Variants in ANKRD26 observed in about 807,000 individuals in gnomAD.
The protein encoded by ANKRD26 is ankyrin repeat domain-containing protein 26.
In ANKRD26, 141 loss-of-function variants were observed where a neutral mutation model predicts 208.7. The observed-to-expected ratio is 0.68, with a 90% CI of 0.59 to 0.78. The LOEUF (loss-of-function observed/expected upper bound fraction) is 0.78, where lower values mean the gene tolerates loss of function less well. Ranked by LOEUF, ANKRD26 falls within the 30% of genes least tolerant of loss-of-function variation. ANKRD26 has a pLI of 0.00. For missense variants in ANKRD26, 1,889 were observed against 1,938.7 expected (o/e 0.97, Z 0.48); for synonymous variants, 636 against 660.4 (o/e 0.96, Z 0.57).
At chr10:27,061,358 T>C in intron 12 of ANKRD26, 116 bp from the exon 13 acceptor site, 1 of 652,656 alleles carries the variant, frequency 1.5e-6, no homozygotes, top group Non-Finnish European at 2.6e-6. Context: ...TAGTGCAGTT[T>C]TTTAAAATCA....
Position 27,034,788 on chromosome 10 carries a change from ATACT to A in ANKRD26, c.3654+4_3654+7del, listed in dbSNP as rs777026529. On this transcript the variant is annotated splice_donor_5th_base_variant and intron_variant, in intron 24 of 33. Transcript: ENST00000376087. ...GTTTGAAAAATATTTATCTTTCTTG[ATACT>A]TACTTCTCTTTCTGCCTTTTCATTT... 1.1e-4 allele frequency: 180 copies of A among 1,576,574 alleles called. No individual in the cohort carries two copies. The highest frequency in any genetic ancestry group is 3.1e-4 in the East Asian group (14 of 44,638).
intron 5 of ANKRD26, among the ~76,000 whole-genome samples, chr10:26,992,469 T>TACACACACACACACACAC (rs61459601): frequency 7.3e-6 from 1 of 136,310 alleles, no homozygotes; most frequent in South Asian, 2.4e-4. Context: ...TACACACACG[T>TACACACACACACACACAC]ACACACACAC....
the ANKRD26 span, among the ~76,000 whole-genome samples, chr10:26,953,141 C>T: frequency 6.6e-6 from 1 of 152,004 alleles, no homozygotes; most frequent in Non-Finnish European, 1.5e-5. Flanking sequence ...AATATAATAC[C>T]AGGCCAGACA....
chr10:27,084,833 T>C (rs577071499), intron 5 of ANKRD26, among the ~76,000 whole-genome samples: 3 of 150,390 alleles, frequency 2.0e-5, no homozygotes, highest in South Asian at 2.1e-4. Flanking sequence ...CGCACCATTA[T>C]TGCACTCCAG....
intron 16 of ANKRD26, chr10:27,052,284 G>A (rs2054689805): frequency 1.7e-6 from 1 of 582,304 alleles, no homozygotes; most frequent in Non-Finnish European, 2.2e-6. Flanking sequence ...CCTAAAATAG[G>A]AGAAAAACAT....
chr10:26,963,903 GTTTTTTTTT>G, the ANKRD26 span, among the ~76,000 whole-genome samples: 6 of 71,848 alleles, frequency 8.4e-5, no homozygotes, highest in East Asian at 1.5e-3. Context: ...TGGTTGGTTG[GTTTTTTTTT>G]TTTTTTTTTT....
chr10:27,038,194 G>C lies in ANKRD26; in HGVS notation c.2376-140C>G, dbSNP rs943182361. On this transcript the variant is annotated intron_variant, in intron 21 of 33. Coordinates refer to ENST00000376087, the MANE Select transcript of ANKRD26 (RefSeq NM_014915.3). ...GAATATTTTTCCTTTCTAGTTCTCT[G>C]ATTTTTAATTTCTCACTTCAGTCTT... 4.1e-6 allele frequency: 3 copies of C among 731,328 alleles called. No individual in the cohort carries two copies. The Admixed American group carries it at 8.6e-5, about 21-fold the overall frequency. 45.3% of individuals were successfully genotyped at this position (731,328 alleles called of 1,614,324 possible). A position where few individuals can be genotyped will look rare whatever the true frequency, so the allele number is the denominator to read the frequency against.
At chr10:26,989,755 T>G (rs575406625), downstream of ANKRD26, among the ~76,000 whole-genome samples, 3 of 152,254 alleles carry the variant, frequency 2.0e-5, no homozygotes, top group Admixed American at 2.0e-4. Context: ...GGTAGGGTCT[T>G]GGAGGTTAGA....
At chr10:26,978,984 A>G (rs1474323278) in intron 5 of ANKRD26, among the ~76,000 whole-genome samples, 1 of 152,180 alleles carries the variant, frequency 6.6e-6, no homozygotes, top group African/African-American at 2.4e-5. Context: ...GCACTTTGGG[A>G]GGCCGAGGCG....
At chr10:26,964,498 A>C in the ANKRD26 span, among the ~76,000 whole-genome samples, 1 of 152,338 alleles carries the variant, frequency 6.6e-6, no homozygotes, top group East Asian at 1.9e-4. Context: ...ACTCCACCAC[A>C]GAGAGCTGTT....
At chr10:26,955,351 C>T in the ANKRD26 span, among the ~76,000 whole-genome samples, 5 of 151,678 alleles carry the variant, frequency 3.3e-5, no homozygotes, top group African/African-American at 7.3e-5. Flanking sequence ...TGGCTTGAAC[C>T]TAGGAGGCGG....
intron 4 of ANKRD26, among the ~76,000 whole-genome samples, chr10:26,981,150 G>A (rs948609311): frequency 1.3e-5 from 2 of 152,230 alleles, no homozygotes; most frequent in Admixed American, 6.5e-5. Context: ...ATGGGCCACT[G>A]TCACAGGTAT....
chr10:26,951,019 C>CTTTTTTTTTTTT, the ANKRD26 span, among the ~76,000 whole-genome samples: 15 of 48,564 alleles, frequency 3.1e-4, no homozygotes, highest in Admixed American at 4.0e-4. Context: ...TTTTCTTTTT[C>CTTTTTTTTTTTT]TTTTTTTTTT....
At chr10:26,981,630 A>G (rs1394331242) in intron 4 of ANKRD26, among the ~76,000 whole-genome samples, 2 of 152,260 alleles carry the variant, frequency 1.3e-5, no homozygotes, top group Non-Finnish European at 2.9e-5. Flanking sequence ...TGAATGATTT[A>G]CCATAAGTAT....
intron 30 of ANKRD26, 65 bp downstream of exon 30, chr10:27,017,437 T>C (rs778759958): frequency 1.9e-6 from 3 of 1,543,330 alleles, no homozygotes; most frequent in Non-Finnish European, 2.7e-6. Flanking sequence ...GAAACACATA[T>C]AATGTATATA....
chr10:26,970,229 C>A (rs987253240), downstream of ANKRD26, among the ~76,000 whole-genome samples: 9 of 151,810 alleles, frequency 5.9e-5, no homozygotes, highest in Non-Finnish European at 1.0e-4. Flanking sequence ...TGTGTCCCAC[C>A]CAAATCACAT....
Position 27,084,501 on chromosome 10 carries a change from G to A in ANKRD26, c.710-1668C>T, listed in dbSNP as rs185008930. 1.8e-3 allele frequency among the ~76,000 whole-genome samples: 267 copies of A among 152,218 alleles called. 1 individual carries two copies. Among genetic ancestry groups the A allele is most frequent in the African/African-American group, 6.1e-3 (255 of 41,518 alleles). ...GATAAATATGTACCAAATTAAATGT[G>A]TCTTCATGCAGTTCAGATTATAAAA... On this transcript the variant is annotated intron_variant, in intron 5 of 33. Transcript: ENST00000376087.
At chr10:26,953,019 C>T in the ANKRD26 span, among the ~76,000 whole-genome samples, 3 of 152,250 alleles carry the variant, frequency 2.0e-5, no homozygotes, top group South Asian at 4.1e-4. Context: ...TAGCTACCCT[C>T]GAAGACATTT....
chr10:26,984,487 C>T (rs2052354899), intron 3 of ANKRD26, among the ~76,000 whole-genome samples: 1 of 152,108 alleles, frequency 6.6e-6, no homozygotes, highest in Non-Finnish European at 1.5e-5. Context: ...TGGTATGGAC[C>T]CTTCCATTGG....
Sources: allele counts gnomAD v4.1 joint callset (sites outside exome capture counted in the v4.1 genomes callset), GRCh38; gene constraint gnomAD v4.1.1; transcripts MANE v1.5; gene names NCBI Gene and HGNC (gene_info 2026-07-23, HGNC 2026-07-21).